The following ZNF492 variants were observed in gnomAD, a reference collection of about 807,000 sequenced individuals.
ZNF492 encodes the protein zinc finger protein 115 (Y20).
In ZNF492, 3 loss-of-function variants were observed where a neutral mutation model predicts 6.4. That is an observed-to-expected ratio of 0.47 (90% CI 0.21 to 1.22). The LOEUF is 1.22. ZNF492 is among the 50% of genes most tolerant of loss of function. The pLI is 0.22. For missense variants in ZNF492, 356 were observed against 612.5 expected (o/e 0.58, Z 4.42); for synonymous variants, 112 against 205.3 (o/e 0.55, Z 3.89).
rs558701590 is a variant in ZNF492 at position 22,657,118 on chromosome 19, C to T, written c.130+3103C>T. Among the ~76,000 whole-genome samples, 7 of 152,128 alleles carry T rather than the reference C, an allele frequency of 4.6e-5. No individual in the cohort carries two copies. In the South Asian group the frequency reaches 1.0e-3, roughly 23 times the overall value. On this transcript the variant is annotated intron_variant, in intron 3 of 3. Coordinates refer to ENST00000456783, the MANE Select transcript of ZNF492 (RefSeq NM_020855.3). ...TTTTGTCAGTAGTTTTAGATTTAGA[C>T]ATTTAGGACAATATACTAAAATTTA...
In ZNF492 at chr19:22,663,187, A is replaced by G. The variant is rs541576188; in HGVS notation, c.131-613A>G. ...GTTTTCCCAGTACCATTTATTAAAT[A>G]GGGAATCCTTTCCCCATTTCTTGTG... On this transcript the variant is annotated intron_variant, in intron 3 of 3. Transcript: ENST00000456783. Among the ~76,000 whole-genome samples, 31 of 152,174 alleles carry G rather than the reference A, an allele frequency of 2.0e-4. 2 individuals carry two copies. In the South Asian group the frequency reaches 6.0e-3, roughly 30 times the overall value.
chr19:22,655,086 AG>A (rs1971981027), intron 3 of ZNF492, among the ~76,000 whole-genome samples: 2 of 151,106 alleles, frequency 1.3e-5, no homozygotes, highest in Non-Finnish European at 3.0e-5. Flanking sequence ...TGAGGTCAGG[AG>A]TTTGAGACCA....
chr19:22,655,675 A>ATTTTTTTTTTTTTTTT lies in ZNF492; in HGVS notation c.130+1664_130+1679dup, dbSNP rs201831166. Among the ~76,000 whole-genome samples the ATTTTTTTTTTTTTTTT allele has an allele frequency of 1.5e-3, 169 of 109,270 alleles. 1 individual carries two copies. The highest frequency in any genetic ancestry group is 4.9e-3 in the African/African-American group (121 of 24,470). 71.7% of individuals were successfully genotyped at this position (109,270 alleles called of 152,430 possible). ...ATTTGTCTTCAATTTCAGTGACTTA[A>ATTTTTTTTTTTTTTTT]TTTTTTTTTTTTTTTTTTTACTTAT... On this transcript the variant is annotated intron_variant, in intron 3 of 3. Coordinates refer to ENST00000456783, the MANE Select transcript of ZNF492 (RefSeq NM_020855.3).
At chr19:22,659,677 T>G (rs1255602797) in intron 3 of ZNF492, among the ~76,000 whole-genome samples, 1 of 149,198 alleles carries the variant, frequency 6.7e-6, no homozygotes, top group Non-Finnish European at 1.5e-5. Context: ...GTTTTTTTTT[T>G]TTTTTTGAGA....
At chr19:22,663,121 A>C (rs1462453419) in intron 3 of ZNF492, among the ~76,000 whole-genome samples, 1 of 152,076 alleles carries the variant, frequency 6.6e-6, no homozygotes, top group Non-Finnish European at 1.5e-5. Context: ...ATAAGGTGTA[A>C]GGAAGGGATC....
intron 1 of ZNF492, among the ~76,000 whole-genome samples, chr19:22,639,319 G>A (rs1434256915): frequency 1.1e-4 from 17 of 151,930 alleles, no homozygotes; most frequent in Non-Finnish European, 2.4e-4. Context: ...TTTTGATTTG[G>A]CTTTTGGCAT....
In ZNF492 at chr19:22,664,171, C is replaced by T. The variant is rs754643147; in HGVS notation, c.502C>T (p.Pro168Ser). ...TAAAAGAATTCATAGTGGAGAGAAA[C>T]CCTACAAATGTAAAGAATGTGGGAA... ...QHKRIHSGEK[P>S]YKCKECGKAY... The change falls in exon 4 of 4, where the codon CCC (proline) becomes TCC (serine). Residue 168 changes from proline to serine, a missense_variant. Pro to Ser is a moderately conservative substitution (Grantham distance 74). Transcript: ENST00000456783. The T allele has an allele frequency of 2.5e-6, 4 of 1,609,444 alleles. No individual in the cohort carries two copies. The highest frequency in any genetic ancestry group is 1.7e-4 in the Middle Eastern group (1 of 6,044).
chr19:22,635,976 C>G (rs1599392569), intron 1 of ZNF492, among the ~76,000 whole-genome samples: 1 of 152,306 alleles, frequency 6.6e-6, no homozygotes, highest in Non-Finnish European at 1.5e-5. Context: ...AGGTACTAAG[C>G]ATAGCACCAA....
rs1972109575 is a variant in ZNF492, at chr19:22,665,100, C to T, written c.1431C>T (p.Tyr477=). The stretch of plus-strand genomic sequence containing the variant: ...TGATTCATACTGGAGAGAAACCCTA[C>T]AAGTGTGAAGAATGTGGCAAAGCCT... ...HKMIHTGEKP[Y]KCEECGKAFN... The change falls in exon 4 of 4, where the codon TAC becomes TAT. Residue 477 remains tyrosine (Y), a synonymous_variant. Coordinates refer to ENST00000456783, the MANE Select transcript of ZNF492 (RefSeq NM_020855.3). The T allele has an allele frequency of 3.7e-6, 6 of 1,608,666 alleles. No individual in the cohort carries two copies. Among genetic ancestry groups the T allele is most frequent in the Non-Finnish European group, 5.1e-6 (6 of 1,179,614 alleles).
chr19:22,647,072 G>A (rs1191819809), intron 1 of ZNF492, among the ~76,000 whole-genome samples: 1 of 148,550 alleles, frequency 6.7e-6, no homozygotes, highest in African/African-American at 2.5e-5. Context: ...TGTACTTTTA[G>A]TAGAGACGAA....
chr19:22,662,166 G>T (rs959190274), intron 3 of ZNF492, among the ~76,000 whole-genome samples: 17 of 152,056 alleles, frequency 1.1e-4, no homozygotes, highest in African/African-American at 4.1e-4. Flanking sequence ...TCCCACCTAT[G>T]AGTGAGAACA....
Position 22,666,364 on chromosome 19 carries a change from T to C in ZNF492, c.*1099T>C, listed in dbSNP as rs1972128497. The stretch of plus-strand genomic sequence containing the variant: ...AACCACCATGCGTGGCTAAATTTTG[T>C]ATTTTTAATAGAGCCAGGGTTTTGC... On this transcript the variant is annotated 3_prime_UTR_variant, in exon 4 of 4. Transcript: ENST00000456783. The C allele has an allele frequency of 6.6e-6, 1 of 152,084 alleles. No individual in the cohort carries two copies. The highest frequency in any genetic ancestry group is 6.6e-5 in the Admixed American group (1 of 15,258). 9.4% of individuals were successfully genotyped at this position (152,084 alleles called of 1,614,324 possible).
chr19:22,649,720 T>C (rs1349447861), intron 1 of ZNF492, among the ~76,000 whole-genome samples: 7 of 152,216 alleles, frequency 4.6e-5, no homozygotes, highest in Non-Finnish European at 7.3e-5. Flanking sequence ...TTTCTTCTAC[T>C]TTGTCAATTT....
chr19:22,647,483 A>G (rs73562523), intron 1 of ZNF492, among the ~76,000 whole-genome samples: 22,049 of 149,340 alleles, frequency 0.15, 1,688 homozygotes, highest in East Asian at 0.19. Context: ...GCTGGTCTCG[A>G]ACTCCTAACC....
rs71180575 is a variant in ZNF492, at chr19:22,647,727, G to GTTTT, written c.-93-5563_-93-5560dup. Among the ~76,000 whole-genome samples the GTTTT allele has an allele frequency of 7.5e-4, 69 of 92,564 alleles. 9 individuals are homozygous for GTTTT. The highest frequency in any genetic ancestry group is 2.3e-3 in the African/African-American group (48 of 21,066). 60.7% of individuals were successfully genotyped at this position (92,564 alleles called of 152,430 possible). On this transcript the variant is annotated intron_variant, in intron 1 of 3. Transcript: ENST00000456783. The stretch of plus-strand genomic sequence containing the variant: ...TTGCTCTTGCTTTCTAGCTCTTTTA[G>GTTTT]TTTTTTTTTTTTTTTTTTTTGAGAT...
chr19:22,637,502 C>T (rs1426475739), intron 1 of ZNF492, among the ~76,000 whole-genome samples: 2 of 151,960 alleles, frequency 1.3e-5, no homozygotes, highest in Admixed American at 6.6e-5. Flanking sequence ...TGACATGTTG[C>T]CCTGGGTGGC....
At chr19:22,639,034 G>A (rs1279242587) in intron 1 of ZNF492, among the ~76,000 whole-genome samples, 1 of 151,976 alleles carries the variant, frequency 6.6e-6, no homozygotes, top group Non-Finnish European at 1.5e-5. Context: ...TAGAGATGGG[G>A]TTTCACCGTG....
At chr19:22,652,614 C>G (rs2145253768) in intron 1 of ZNF492, among the ~76,000 whole-genome samples, 1 of 150,616 alleles carries the variant, frequency 6.6e-6, no homozygotes, top group South Asian at 2.1e-4. Context: ...GAGTCTCGCT[C>G]TGTCACCCAG....
At chr19:22,641,901 C>G (rs1488227594) in intron 1 of ZNF492, among the ~76,000 whole-genome samples, 1 of 152,144 alleles carries the variant, frequency 6.6e-6, no homozygotes, top group East Asian at 1.9e-4. Context: ...TCACGCCATT[C>G]TCCTGCCTCA....
Sources: allele counts gnomAD v4.1 joint callset (sites outside exome capture counted in the v4.1 genomes callset), GRCh38; gene constraint gnomAD v4.1.1; transcripts MANE v1.5; gene names NCBI Gene and HGNC (gene_info 2026-07-23, HGNC 2026-07-21).